The following ZNF534 variants were observed in gnomAD, a reference collection of about 807,000 sequenced individuals.
ZNF534 encodes the protein zinc finger protein 534.
A neutral mutation model predicts 13.6 loss-of-function variants in ZNF534; 19 were observed. The observed-to-expected ratio is 1.40, with a 90% CI of 0.97 to 2.05. The LOEUF is 2.05. Among genes scored for constraint, ZNF534 ranks in the 30% most tolerant of loss-of-function variants. The pLI is 0.00. For missense variants in ZNF534, 782 were observed against 796.3 expected (o/e 0.98, Z 0.22); for synonymous variants, 244 against 273.8 (o/e 0.89, Z 1.07).
chr19:52,439,172 T>G lies in ZNF534; in HGVS notation c.1712T>G (p.Ile571Ser), dbSNP rs957431689. 3 of 1,545,172 alleles carry G rather than the reference T, an allele frequency of 1.9e-6. No individual in the cohort carries two copies. The African/African-American group carries it at 4.2e-5, about 21-fold the overall frequency. ...RNSHLARHRNIHTGEKPHSCN... is the reference protein window; with the variant it reads ...RNSHLARHRNSHTGEKPHSCN... ...TCACACCTTGCGCGACATAGGAATA[T>G]TCATACTGGAGAGAAGCCTCACAGT... The change falls in exon 5 of 5, where the codon ATT (isoleucine) becomes AGT (serine). Residue 571 changes from isoleucine (I) to serine (S), a missense_variant. This residue lies in a region of ZNF534 where 591 missense variants were observed against 574.0 expected (regional missense o/e 1.03). Coordinates refer to ENST00000433050, the MANE Select transcript of ZNF534 (RefSeq NM_001143938.3).
In ZNF534 at chr19:52,438,668, T is replaced by G. The variant is rs2059147737; in HGVS notation, c.1208T>G (p.Ile403Ser). Residue 403 changes from isoleucine to serine, a missense_variant, in exon 5 of 5, where the codon ATT becomes AGT. This residue lies in a region of ZNF534 where 591 missense variants were observed against 574.0 expected (regional missense o/e 1.03). Transcript: ENST00000433050. ...TCACGCCTTGCACGACATAGGAAAA[T>G]TCATACTGGGGGGAGGCGTTACAAA... ...GNSRLARHRK[I>S]HTGGRRYKCN... 2 of 1,581,464 alleles carry G rather than the reference T, an allele frequency of 1.3e-6. No individual in the cohort carries two copies. The highest frequency in any genetic ancestry group is 4.6e-5 in the East Asian group (2 of 43,056).
chr19:52,438,138 T>C lies in ZNF534; in HGVS notation c.678T>C (p.Asn226=), dbSNP rs1435524141. 1.2e-6 allele frequency: 2 copies of C among 1,614,066 alleles called. No individual in the cohort carries two copies. Among genetic ancestry groups the C allele is most frequent in the African/African-American group, 1.3e-5 (1 of 75,054 alleles). ...CSDCGEIFSS[N]SNFAQHQRIH... The stretch of plus-strand genomic sequence containing the variant: ...ACTGTGGCGAGATCTTTAGTAGCAA[T>C]TCAAACTTTGCACAACATCAACGAA... The change falls in exon 5 of 5, where the codon AAT becomes AAC. Residue 226 remains asparagine, a synonymous_variant. Transcript: ENST00000433050.
At chr19:52,450,286 T>C (rs934891447) in intron 4 of ZNF534, among the ~76,000 whole-genome samples, 1 of 152,184 alleles carries the variant, frequency 6.6e-6, no homozygotes, top group African/African-American at 2.4e-5. Context: ...ATTGTTTTCT[T>C]ATAGTTTTAT....
chr19:52,430,058 A>G (rs546989468), intron 1 of ZNF534, among the ~76,000 whole-genome samples: 8 of 149,270 alleles, frequency 5.4e-5, no homozygotes, highest in Non-Finnish European at 1.2e-4. Context: ...CTCTGACGCC[A>G]AGGCTGGAGT....
At chr19:52,447,606 T>G (rs1238589309) in intron 4 of ZNF534, among the ~76,000 whole-genome samples, 1 of 151,692 alleles carries the variant, frequency 6.6e-6, no homozygotes, top group African/African-American at 2.4e-5. Flanking sequence ...TTGTTGTGTT[T>G]TTTTCTGCCT....
chr19:52,431,946 C>T (rs1386898838), intron 2 of ZNF534, among the ~76,000 whole-genome samples: 2 of 150,344 alleles, frequency 1.3e-5, no homozygotes, highest in African/African-American at 4.9e-5. Flanking sequence ...TATATGTGTA[C>T]TAGTGTATAT....
At chr19:52,436,797 T>G (rs2059131420) in intron 4 of ZNF534, among the ~76,000 whole-genome samples, 1 of 152,200 alleles carries the variant, frequency 6.6e-6, no homozygotes, top group South Asian at 2.1e-4. Context: ...TTGTTTTTAA[T>G]GATTTCCCCT....
At chr19:52,447,882 CTT>C (rs71180464) in intron 4 of ZNF534, among the ~76,000 whole-genome samples, 85 of 146,096 alleles carry the variant, frequency 5.8e-4, no homozygotes, top group South Asian at 2.4e-3. Flanking sequence ...AGTTTTTAGA[CTT>C]TTTTTTTTTT....
intron 1 of ZNF534, among the ~76,000 whole-genome samples, chr19:52,430,552 T>C (rs995592750): frequency 2.1e-5 from 3 of 145,424 alleles, no homozygotes; most frequent in Admixed American, 1.4e-4. Flanking sequence ...GTCTGTGCTT[T>C]TTTTTTGTTT....
downstream of ZNF534, among the ~76,000 whole-genome samples, chr19:52,444,011 T>G (rs112794925): frequency 0.021 from 3,185 of 152,134 alleles, 121 homozygotes; most frequent in African/African-American, 0.072. Flanking sequence ...AAATCAGGGA[T>G]TTCTTCTTGG....
In ZNF534 at chr19:52,433,880, C is replaced by A. The variant is rs779114954; in HGVS notation, c.16-75C>A. The A allele has an allele frequency of 3.8e-6, 6 of 1,576,448 alleles. No homozygotes were observed. In the African/African-American group the frequency reaches 8.1e-5, roughly 21 times the overall value. ...CTCGCTTCAGTGGAGTGAGTCCTTA[C>A]AACTGTCTTCTCATTCTGTTTGAAG... On this transcript the variant is annotated intron_variant, in intron 2 of 4. Coordinates refer to ENST00000433050, the MANE Select transcript of ZNF534 (RefSeq NM_001143938.3).
intron 1 of ZNF534, among the ~76,000 whole-genome samples, 169 bp downstream of exon 1, chr19:52,429,413 A>C (rs915473933): frequency 6.6e-6 from 1 of 152,142 alleles, no homozygotes; most frequent in Non-Finnish European, 1.5e-5. Context: ...CTGCGTGTTA[A>C]AACCGCTTGG....
rs2059120869 is a variant in ZNF534, at chr19:52,435,170, A to G, written c.232A>G (p.Asn78Asp). The G allele has an allele frequency of 6.2e-7, 1 of 1,612,872 alleles. No individual in the cohort carries two copies. The highest frequency in any genetic ancestry group is 1.3e-5 in the African/African-American group (1 of 74,986). ...GCAGAGTGAAGTGAAAATAATAAAC[A>G]ATCCAGATGGCAGGGAGTGCATCAA... is the stretch of plus-strand genomic sequence containing the variant. ...TLQSEVKIIN[N>D]PDGRECIKGV... Residue 78 changes from asparagine (N) to aspartate (D), a missense_variant, in exon 4 of 5, where the codon AAT (asparagine) becomes GAT (aspartate). This residue lies in a region of ZNF534 where 30 missense variants were observed against 55.4 expected (regional missense o/e 0.54). Transcript: ENST00000433050.
intron 2 of ZNF534, among the ~76,000 whole-genome samples, chr19:52,433,408 C>A (rs989802444): frequency 6.6e-6 from 1 of 151,560 alleles, no homozygotes; most frequent in Non-Finnish European, 1.5e-5. Flanking sequence ...ACTCTGTCAC[C>A]CAGGCTGGAG....
chr19:52,440,703 C>T lies in ZNF534; in HGVS notation c.*1257C>T, dbSNP rs2059166421. Among the ~76,000 whole-genome samples the T allele has an allele frequency of 6.7e-6, 1 of 148,300 alleles. No individual in the cohort carries two copies. Among genetic ancestry groups the T allele is most frequent in the Non-Finnish European group, 1.5e-5 (1 of 67,134 alleles). On this transcript the variant is annotated 3_prime_UTR_variant, in exon 5 of 5. Coordinates refer to ENST00000433050, the MANE Select transcript of ZNF534 (RefSeq NM_001143938.3). Reference sequence around the variant, plus strand: ...GGCTGAGGCAGGAGAATCACTTAAACCCAGGAGATGGAGGTTGCAGTGAGC... The same window carrying T: ...GGCTGAGGCAGGAGAATCACTTAAATCCAGGAGATGGAGGTTGCAGTGAGC...
At chr19:52,445,675 C>G (rs2868684), downstream of ZNF534, among the ~76,000 whole-genome samples, 1 of 151,224 alleles carries the variant, frequency 6.6e-6, no homozygotes, top group Admixed American at 6.6e-5. Flanking sequence ...GCAAGAGCAA[C>G]CAACTTCCTT....
In ZNF534 at chr19:52,437,439, A is replaced by C. The variant is rs144703036; in HGVS notation, c.272-293A>C. 2.6e-3 allele frequency among the ~76,000 whole-genome samples: 389 copies of C among 152,282 alleles called. 2 individuals carry two copies. Among genetic ancestry groups the C allele is most frequent in the Non-Finnish European group, 4.3e-3 (290 of 68,030 alleles). On this transcript the variant is annotated intron_variant, in intron 4 of 4. Coordinates refer to ENST00000433050, the MANE Select transcript of ZNF534 (RefSeq NM_001143938.3). ...TGAGACCAGCCTGGCCAACATAGTG[A>C]AACCCCGTCTCTACTAAAAATAAAA...
Position 52,429,167 on chromosome 19 carries a change from A to T in ZNF534, c.-145A>T, listed in dbSNP as rs8182486. On this transcript the variant is annotated 5_prime_UTR_variant, in exon 1 of 5. An upstream start codon of the reference 5' UTR is lost. Coordinates refer to ENST00000433050, the MANE Select transcript of ZNF534 (RefSeq NM_001143938.3). ...TCCTGCAGACCCGGAAGTCGAGATCATGGAGTGAACGTTTCGCGCGCTTTT... is the reference window on the plus strand; with the variant it reads ...TCCTGCAGACCCGGAAGTCGAGATCTTGGAGTGAACGTTTCGCGCGCTTTT... The T allele has an allele frequency of 6.6e-6, 1 of 152,074 alleles. No individual in the cohort carries two copies. Among genetic ancestry groups the T allele is most frequent in the African/African-American group, 2.4e-5 (1 of 41,374 alleles). The allele number at this position is 152,074 out of a possible 1,614,324, so 9.4% of individuals were successfully genotyped here. A position where few individuals can be genotyped will look rare whatever the true frequency, so the allele number is the denominator to read the frequency against.
rs1335108582 is a variant in ZNF534, at chr19:52,439,774, A to G, written c.*328A>G. Reference sequence around the variant, plus strand: ...TCCATCTCAAAAAAAGAAAAAAAAAAAATGAGTGAAGCTGCCAAGCATGGT... The same window carrying G: ...TCCATCTCAAAAAAAGAAAAAAAAAGAATGAGTGAAGCTGCCAAGCATGGT... On this transcript the variant is annotated 3_prime_UTR_variant, in exon 5 of 5. Transcript: ENST00000433050. Among the ~76,000 whole-genome samples the G allele has an allele frequency of 6.6e-6, 1 of 151,918 alleles. No homozygotes were observed. The highest frequency in any genetic ancestry group is 1.5e-5 in the Non-Finnish European group (1 of 67,956).
Sources: allele counts gnomAD v4.1 joint callset (sites outside exome capture counted in the v4.1 genomes callset), GRCh38; gene constraint gnomAD v4.1.1; regional missense constraint gnomAD v4.1.1; transcripts MANE v1.5; gene names NCBI Gene and HGNC (gene_info 2026-07-23, HGNC 2026-07-21).